The following RHBDD1 variants were observed in gnomAD, a reference collection of about 807,000 sequenced individuals.
The protein encoded by RHBDD1 is rhomboid domain containing 1.
A neutral mutation model predicts 36.3 loss-of-function variants in RHBDD1; 38 were observed. The observed-to-expected ratio is 1.05, with a 90% CI of 0.81 to 1.37. RHBDD1 has a LOEUF of 1.37. Ranked by LOEUF, RHBDD1 falls within the 40% of genes most tolerant of loss-of-function variation. RHBDD1 has a pLI of 0.00. For synonymous variants in RHBDD1, 151 were observed against 136.5 expected, an observed-to-expected ratio of 1.11 and a Z score of -0.74; for missense variants, 393 against 377.6, an observed-to-expected ratio of 1.04 and a Z score of -0.34.
At chr2:226,948,058 C>T (rs2149199903) in intron 8 of RHBDD1, among the ~76,000 whole-genome samples, 1 of 152,042 alleles carries the variant, frequency 6.6e-6, no homozygotes, top group African/African-American at 2.4e-5. Context: ...CCAGCCATCC[C>T]ATTACTGGGT....
intron 8 of RHBDD1, among the ~76,000 whole-genome samples, chr2:226,959,229 G>T (rs904508585): frequency 2.1e-4 from 32 of 152,172 alleles, no homozygotes; most frequent in African/African-American, 7.7e-4. Context: ...GTTTAAGAAG[G>T]CACCGTATAA....
intron 8 of RHBDD1, among the ~76,000 whole-genome samples, chr2:226,974,459 G>A (rs543978764): frequency 2.6e-5 from 4 of 152,036 alleles, no homozygotes; most frequent in African/African-American, 7.2e-5. Context: ...GGATGGTTTC[G>A]ATCTCCTGAC....
At chr2:226,926,465 C>G (rs1306116360) in intron 8 of RHBDD1, among the ~76,000 whole-genome samples, 1 of 152,094 alleles carries the variant, frequency 6.6e-6, no homozygotes, top group Non-Finnish European at 1.5e-5. Context: ...TTTCAGGACA[C>G]CAGTCTCATT....
chr2:226,888,395 A>G (rs1250173741), intron 5 of RHBDD1, among the ~76,000 whole-genome samples: 1 of 149,508 alleles, frequency 6.7e-6, no homozygotes, highest in African/African-American at 2.6e-5. Context: ...TGTTTGGATC[A>G]TGAAATCTCA....
chr2:226,865,620 T>C lies in RHBDD1; in HGVS notation c.433+494T>C, dbSNP rs563973180. Among the ~76,000 whole-genome samples the C allele has an allele frequency of 3.9e-5, 6 of 152,270 alleles. No homozygotes were observed. The South Asian group carries it at 1.2e-3, about 32-fold the overall frequency. On this transcript the variant is annotated intron_variant, in intron 4 of 8. Coordinates refer to ENST00000392062, the MANE Select transcript of RHBDD1 (RefSeq NM_001167608.3). ...GCCTAGGATTCATCGTGAGCCCATCTTCAAGGCTCAAAAAGCTGCCTAGGG... is the reference window on the plus strand; with the variant it reads ...GCCTAGGATTCATCGTGAGCCCATCCTCAAGGCTCAAAAAGCTGCCTAGGG...
At chr2:226,906,955 C>T in intron 6 of RHBDD1, 74 bp downstream of exon 6, 3 of 1,471,530 alleles carry the variant, frequency 2.0e-6, no homozygotes, top group Non-Finnish European at 2.9e-6. Flanking sequence ...CAGAAGCAAC[C>T]CCAAGTTTCC....
intron 1 of RHBDD1, chr2:226,836,313 C>T (rs1052167062): frequency 2.6e-5 from 4 of 152,424 alleles, no homozygotes; most frequent in East Asian, 1.9e-4. Flanking sequence ...GTAACTCCAC[C>T]TGGGGTCTTG....
upstream of RHBDD1, among the ~76,000 whole-genome samples, chr2:226,835,105 C>A (rs1221957830): frequency 6.6e-6 from 1 of 151,764 alleles, no homozygotes; most frequent in Non-Finnish European, 1.5e-5. Context: ...GAGACAAGGT[C>A]TCACTATGTT....
At chr2:226,918,271 A>G (rs2125742385) in intron 8 of RHBDD1, among the ~76,000 whole-genome samples, 1 of 152,156 alleles carries the variant, frequency 6.6e-6, no homozygotes, top group East Asian at 1.9e-4. Flanking sequence ...ATAATACATC[A>G]GGGTAAATGG....
At position 226,839,583 on chromosome 2, in the gene RHBDD1, C is replaced by T. The variant is rs939041041; in HGVS notation, c.-135C>T. The T allele has an allele frequency of 2.6e-5, 4 of 152,174 alleles. No individual in the cohort carries two copies. The highest frequency in any genetic ancestry group is 9.6e-5 in the African/African-American group (4 of 41,456). The allele number at this position is 152,174 out of a possible 1,614,324, so 9.4% of individuals were successfully genotyped here. ...AACTCTGTGGTGGAATAGAAATCCT[C>T]AGGGCATGAGCTATACCTAAAACGT... On this transcript the variant is annotated 5_prime_UTR_variant, in exon 3 of 9. Coordinates refer to ENST00000392062, the MANE Select transcript of RHBDD1 (RefSeq NM_001167608.3).
At chr2:226,826,904 CA>C in the RHBDD1 span, among the ~76,000 whole-genome samples, 1 of 152,084 alleles carries the variant, frequency 6.6e-6, no homozygotes, top group South Asian at 2.1e-4. Flanking sequence ...TATAAAGAGT[CA>C]AAGAAAAGAT....
chr2:226,969,113 T>C (rs1952950513), intron 8 of RHBDD1: 1 of 185,746 alleles, frequency 5.4e-6, no homozygotes, highest in South Asian at 1.3e-4. Flanking sequence ...ACTCTTCCCA[T>C]GTCAGAACAC....
chr2:226,857,216 C>T (rs1159003879), intron 3 of RHBDD1, among the ~76,000 whole-genome samples: 2 of 151,776 alleles, frequency 1.3e-5, no homozygotes, highest in Non-Finnish European at 2.9e-5. Flanking sequence ...TATCATGAGT[C>T]GTTAGAGGAA....
intron 8 of RHBDD1, among the ~76,000 whole-genome samples, chr2:226,994,290 T>C (rs1346276947): frequency 6.6e-6 from 1 of 152,242 alleles, no homozygotes; most frequent in Non-Finnish European, 1.5e-5. Flanking sequence ...GGGGGTCCCC[T>C]ACCATTTTAG....
At chr2:226,834,880 A>AT (rs1391147994), upstream of RHBDD1, among the ~76,000 whole-genome samples, 1 of 152,064 alleles carries the variant, frequency 6.6e-6, no homozygotes, top group Non-Finnish European at 1.5e-5. Context: ...GGGTTCAAGG[A>AT]TTCCCCTGCC....
chr2:226,854,269 TGAG>T (rs1304928405), intron 3 of RHBDD1, among the ~76,000 whole-genome samples: 1 of 152,056 alleles, frequency 6.6e-6, no homozygotes, highest in African/African-American at 2.4e-5. Context: ...GTTTTATAAA[TGAG>T]GAGACTGAGG....
At chr2:226,822,387 C>A in the RHBDD1 span, among the ~76,000 whole-genome samples, 1 of 152,140 alleles carries the variant, frequency 6.6e-6, no homozygotes, top group African/African-American at 2.4e-5. Context: ...GTAATCCCAG[C>A]ACTTTGGGAG....
At position 226,908,582 on chromosome 2, in the gene RHBDD1, TACACAC is replaced by T. The variant is rs10559846; in HGVS notation, c.656-206_656-201del. 6.8e-3 allele frequency: 2,357 copies of T among 346,382 alleles called. 18 individuals are homozygous for T. The highest frequency in any genetic ancestry group is 0.032 in the African/African-American group (1,442 of 44,472). 21.5% of individuals were successfully genotyped at this position (346,382 alleles called of 1,614,324 possible). On this transcript the variant is annotated intron_variant, in intron 6 of 8. Transcript: ENST00000392062. ...TGTAAATTAGGGTTTCATTTTCCAC[TACACAC>T]ACACACACACACACACACACACACA...
the RHBDD1 span, among the ~76,000 whole-genome samples, chr2:226,820,087 T>C: frequency 6.6e-6 from 1 of 151,712 alleles, no homozygotes; most frequent in Non-Finnish European, 1.5e-5. Flanking sequence ...TTCAAGTCTC[T>C]CCCATTTTGG....
Sources: gnomAD v4.1 joint callset for allele counts (sites outside exome capture counted in the v4.1 genomes callset) on GRCh38, gnomAD v4.1.1 for gene constraint, MANE v1.5 for transcripts, NCBI Gene and HGNC (gene_info 2026-07-23, HGNC 2026-07-21) for gene names.